TPRA1: variants seen among roughly 807,000 people sequenced by gnomAD.
TPRA1 encodes transmembrane protein adipocyte-associated 1.
TPRA1 carries 28 observed loss-of-function variants against 40.1 expected under a neutral mutation model. That is an observed-to-expected ratio of 0.70 (90% CI 0.52 to 0.96). The LOEUF (loss-of-function observed/expected upper bound fraction) is 0.96, where lower values mean the gene tolerates loss of function less well. Ranked by LOEUF, TPRA1 falls within the 40% of genes least tolerant of loss-of-function variation. The pLI is 0.00. For missense variants in TPRA1, 441 were observed against 482.6 expected (o/e 0.91, Z 0.81); for synonymous variants, 219 against 209.7 (o/e 1.04, Z -0.38).
At chr3:127,580,537 G>A (rs2073798871) in intron 1 of TPRA1, 2 of 189,178 alleles carry the variant, frequency 1.1e-5, no homozygotes, top group South Asian at 2.3e-4. Context: ...CTTCCTTCCT[G>A]TCCTCTCCGT....
Position 127,589,178 on chromosome 3 carries a change from T to C in TPRA1, c.-18+1232A>G, listed in dbSNP as rs540614726. Reference sequence around the variant, plus strand: ...CTCTGCCTCCCTCCCTCCCACCCAGTTGAGGGACAGGATGCTGGCTAGGCT... The same window carrying C: ...CTCTGCCTCCCTCCCTCCCACCCAGCTGAGGGACAGGATGCTGGCTAGGCT... On this transcript the variant is annotated intron_variant, in intron 1 of 10. Coordinates refer to ENST00000355552, the MANE Select transcript of TPRA1 (RefSeq NM_001136053.4). Among the ~76,000 whole-genome samples, 15 of 144,928 alleles carry C rather than the reference T, an allele frequency of 1.0e-4. No homozygotes were observed. In the South Asian group the frequency reaches 3.1e-3, roughly 30 times the overall value.
intron 1 of TPRA1, chr3:127,597,880 T>C (rs1381452344): frequency 6.3e-6 from 1 of 158,272 alleles, no homozygotes; most frequent in Non-Finnish European, 1.4e-5. Context: ...GGATCTCGGC[T>C]CACCGCAACC....
chr3:127,592,379 T>G (rs576128249), upstream of TPRA1, among the ~76,000 whole-genome samples: 972 of 137,128 alleles, frequency 7.1e-3, 8 homozygotes, highest in African/African-American at 0.025. Context: ...TTTTTTTTTT[T>G]TTTTTTTTTT....
In TPRA1 at chr3:127,590,450, G is replaced by C. The variant is rs972710334; in HGVS notation, c.-58C>G. 4 of 152,242 alleles carry C rather than the reference G, an allele frequency of 2.6e-5. No individual in the cohort carries two copies. The highest frequency in any genetic ancestry group is 5.9e-5 in the Non-Finnish European group (4 of 68,126). The allele number at this position is 152,242 out of a possible 1,614,324, so 9.4% of individuals were successfully genotyped here. The stretch of plus-strand genomic sequence containing the variant: ...GCGCTCAGGACCGGCCGCCCCGGCC[G>C]CCCCGGCCGCCCATCCGCCGCCACT... On this transcript the variant is annotated 5_prime_UTR_variant, in exon 1 of 11. Coordinates refer to ENST00000355552, the MANE Select transcript of TPRA1 (RefSeq NM_001136053.4).
In TPRA1 at chr3:127,576,015, G is replaced by A; in HGVS notation, c.534C>T (p.Leu178=). Residue 178 remains leucine, a synonymous_variant, in exon 7 of 11, where the codon CTC becomes CTT. Coordinates refer to ENST00000355552, the MANE Select transcript of TPRA1 (RefSeq NM_001136053.4). This position sits in a 1 kb window ranked among gnomAD's most constrained non-coding sequence, Gnocchi z 4.6. ...TLEILYPDAH[L]SAEDFNIYGH... is the part of the protein sequence containing the mutation. ...CATAGATATTAAAGTCCTCAGCTGA[G>A]AGATGGGCATCAGGGTACAGGATCT... 1 of 1,614,058 alleles carries A rather than the reference G, an allele frequency of 6.2e-7. No homozygotes were observed. The highest frequency in any genetic ancestry group is 1.1e-5 in the South Asian group (1 of 91,090).
intron 1 of TPRA1, among the ~76,000 whole-genome samples, chr3:127,580,972 T>A (rs1386475874): frequency 6.6e-6 from 1 of 152,126 alleles, no homozygotes; most frequent in Non-Finnish European, 1.5e-5. Flanking sequence ...CACATGACAC[T>A]CTGAGCATGA....
upstream of TPRA1, among the ~76,000 whole-genome samples, chr3:127,592,615 G>A (rs926221787): frequency 1.3e-5 from 2 of 151,804 alleles, no homozygotes. Flanking sequence ...TCGATCTCCT[G>A]ACCTCATGAT....
rs113588953 is a variant in TPRA1, at chr3:127,576,805, C to T, written c.418+16G>A. On this transcript the variant is annotated intron_variant, in intron 5 of 10. Coordinates refer to ENST00000355552, the MANE Select transcript of TPRA1 (RefSeq NM_001136053.4). This position sits in a 1 kb window ranked among gnomAD's most constrained non-coding sequence, Gnocchi z 4.6. ...GAGAGCATCGCCAGGGCCCAAGAGC[C>T]CAGCGGTACACACACCAAAGGCCAG... The T allele has an allele frequency of 7.0e-5, 113 of 1,613,874 alleles. No homozygotes were observed. The African/African-American group carries it at 1.1e-3, about 15-fold the overall frequency.
chr3:127,574,462 G>A (rs546386666), intron 10 of TPRA1, among the ~76,000 whole-genome samples: 5 of 152,200 alleles, frequency 3.3e-5, no homozygotes, highest in South Asian at 2.1e-4. Flanking sequence ...TCTCACAGAC[G>A]CTTCTGCAGA....
At chr3:127,597,558 C>T (rs1050450632) in intron 1 of TPRA1, among the ~76,000 whole-genome samples, 2 of 152,190 alleles carry the variant, frequency 1.3e-5, no homozygotes, top group Non-Finnish European at 2.9e-5. Flanking sequence ...TAGGGAGGGG[C>T]TTGCACATCC....
At chr3:127,596,167 C>A (rs2074238478) in intron 1 of TPRA1, among the ~76,000 whole-genome samples, 1 of 152,178 alleles carries the variant, frequency 6.6e-6, no homozygotes, top group African/African-American at 2.4e-5. Flanking sequence ...GCAACCTCCA[C>A]CTCCAGTGTT....
At chr3:127,575,695 C>T (rs913936903) in intron 8 of TPRA1, 54 bp downstream of exon 8, 16 of 1,591,414 alleles carry the variant, frequency 1.0e-5, no homozygotes, top group Non-Finnish European at 1.2e-5. Context: ...TACAGTGGCC[C>T]GGTAGACTCC....
chr3:127,580,016 C>A lies in TPRA1; in HGVS notation c.125+6G>T. 6.2e-7 allele frequency: 1 copy of A among 1,613,376 alleles called. No homozygotes were observed. The highest frequency in any genetic ancestry group is 1.1e-5 in the South Asian group (1 of 91,086). On this transcript the variant is annotated splice_donor_region_variant and intron_variant, in intron 2 of 10. Coordinates refer to ENST00000355552, the MANE Select transcript of TPRA1 (RefSeq NM_001136053.4). ...GCGAGCCTGCCCAGCGTTGTGACTG[C>A]CTCACCTGGAGGTGCCAATGTCTTC...
chr3:127,590,283 T>G (rs1448150626), intron 1 of TPRA1, 127 bp downstream of exon 1: 3 of 152,234 alleles, frequency 2.0e-5, no homozygotes, highest in African/African-American at 4.8e-5. Context: ...CCGTCCGAGC[T>G]GCGCCCGAGC....
chr3:127,585,420 TGA>T (rs1204466800), intron 1 of TPRA1, among the ~76,000 whole-genome samples: 3 of 151,478 alleles, frequency 2.0e-5, no homozygotes, highest in Non-Finnish European at 4.4e-5. Flanking sequence ...TTACAAGGAG[TGA>T]GAGGTCTGGT....
At chr3:127,573,919 G>T in intron 10 of TPRA1, 131 bp from the exon 11 acceptor site, 1 of 1,234,692 alleles carries the variant, frequency 8.1e-7, no homozygotes, top group Non-Finnish European at 1.1e-6. Context: ...CTCTGAGTGG[G>T]CCTGTGAGCT....
At chr3:127,583,482 A>C (rs987294238) in intron 1 of TPRA1, among the ~76,000 whole-genome samples, 2 of 152,182 alleles carry the variant, frequency 1.3e-5, no homozygotes, top group African/African-American at 4.8e-5. Flanking sequence ...TGGGTGACAG[A>C]GTGGGACCTT....
At chr3:127,580,777 C>T (rs551170849) in intron 1 of TPRA1, among the ~76,000 whole-genome samples, 10 of 152,360 alleles carry the variant, frequency 6.6e-5, no homozygotes, top group African/African-American at 1.9e-4. Context: ...CCCTTGTCTC[C>T]CTCTGCCACC....
intron 1 of TPRA1, among the ~76,000 whole-genome samples, chr3:127,583,813 G>A (rs1459509275): frequency 6.6e-6 from 1 of 152,012 alleles, no homozygotes; most frequent in Non-Finnish European, 1.5e-5. Flanking sequence ...TGGGGCTACA[G>A]GCACGTGCCA....
Sources: allele counts gnomAD v4.1 joint callset (sites outside exome capture counted in the v4.1 genomes callset), GRCh38; gene constraint gnomAD v4.1.1; non-coding constraint Gnocchi (gnomAD v3.1); transcripts MANE v1.5; gene names NCBI Gene and HGNC (gene_info 2026-07-23, HGNC 2026-07-21).